Variants in TLL1 observed in about 807,000 individuals in gnomAD.
The protein encoded by TLL1 is tolloid like 1.
Under a neutral mutation model 128.2 loss-of-function variants are expected in TLL1, and 49 were observed. The observed-to-expected ratio is 0.38, with a 90% CI of 0.30 to 0.48. The LOEUF is 0.48. Among genes scored for constraint, TLL1 ranks in the 20% least tolerant of loss-of-function variants. The pLI is 0.96. For synonymous variants in TLL1, 454 were observed against 418.8 expected (o/e 1.08, Z -1.03); for missense variants, 1,123 against 1,242.0 (o/e 0.90, Z 1.44).
intron 7 of TLL1, among the ~76,000 whole-genome samples, chr4:166,012,318 T>C (rs1737733293): frequency 6.6e-6 from 1 of 151,446 alleles, no homozygotes; most frequent in Non-Finnish European, 1.5e-5. Flanking sequence ...ATTGTTAACT[T>C]CCTGACCACA....
intron 1 of TLL1, among the ~76,000 whole-genome samples, chr4:165,956,124 G>A (rs1028539631): frequency 6.8e-6 from 1 of 147,744 alleles, no homozygotes; most frequent in Non-Finnish European, 1.5e-5. Flanking sequence ...AGGACAAATG[G>A]CAAAAGCAGA....
intron 10 of TLL1, 123 bp downstream of exon 10, chr4:166,039,564 T>C: frequency 1.4e-6 from 1 of 711,046 alleles, no homozygotes; most frequent in East Asian, 2.7e-5. Flanking sequence ...TATTTTTATG[T>C]TAGTTATACT....
chr4:165,873,918 C>T lies in TLL1; in HGVS notation c.14C>T (p.Thr5Met). 6.2e-7 allele frequency: 1 copy of T among 1,613,998 alleles called. No individual in the cohort carries two copies. Among genetic ancestry groups the T allele is most frequent in the South Asian group, 1.1e-5 (1 of 91,076 alleles). The change falls in exon 1 of 21, where the codon ACG (threonine) becomes ATG (methionine). Residue 5 changes from threonine to methionine, a missense_variant. By Grantham distance (81) the Thr-to-Met change is moderately conservative (BLOSUM62 -1). Transcript: ENST00000061240. MGLG[T>M]LSPRMLVWLV... The stretch of plus-strand genomic sequence containing the variant: ...CGGGGGAGGAGGATGGGGTTGGGAA[C>T]GCTTTCCCCGAGGATGCTCGTGTGG...
chr4:165,930,222 G>A lies in TLL1; in HGVS notation c.169+56149G>A, dbSNP rs137969415. ...AGCTGGCTTTATTAGCCTGGTGAGA[G>A]GAGGGGGAGGTATAAATAAATGCAT... is the stretch of plus-strand genomic sequence containing the variant. On this transcript the variant is annotated intron_variant, in intron 1 of 20. Coordinates refer to ENST00000061240, the MANE Select transcript of TLL1 (RefSeq NM_012464.5). Among the ~76,000 whole-genome samples, 29 of 152,260 alleles carry A rather than the reference G, an allele frequency of 1.9e-4. No homozygotes were observed. In the East Asian group the frequency reaches 5.6e-3, roughly 29 times the overall value.
intron 1 of TLL1, among the ~76,000 whole-genome samples, chr4:165,977,377 ATGTGCT>A (rs1050537656): frequency 6.6e-6 from 1 of 152,134 alleles, no homozygotes; most frequent in Non-Finnish European, 1.5e-5. Context: ...TCCATGTAAG[ATGTGCT>A]TGCTTTCCCT....
At chr4:166,080,171 T>C (rs1207843832) in intron 18 of TLL1, among the ~76,000 whole-genome samples, 1 of 152,086 alleles carries the variant, frequency 6.6e-6, no homozygotes, top group African/African-American at 2.4e-5. Context: ...GGCTTGTATA[T>C]GGCCTCCACC....
Position 166,100,984 on chromosome 4 carries a change from C to G in TLL1, c.*108C>G. On this transcript the variant is annotated 3_prime_UTR_variant, in exon 21 of 21. Coordinates refer to ENST00000061240, the MANE Select transcript of TLL1 (RefSeq NM_012464.5). ...AAATGTTTTATACAAAGAGTTTGAA[C>G]AAAAAATCCCTGTAAGACCAGAATT... 1 of 1,396,794 alleles carries G rather than the reference C, an allele frequency of 7.2e-7. No individual in the cohort carries two copies. 86.5% of individuals were successfully genotyped at this position (1,396,794 alleles called of 1,614,324 possible).
intron 1 of TLL1, among the ~76,000 whole-genome samples, chr4:165,966,475 C>A (rs1480978850): frequency 1.3e-5 from 2 of 152,114 alleles, no homozygotes; most frequent in Non-Finnish European, 2.9e-5. Flanking sequence ...CCAATTAATT[C>A]TAATGTTCAC....
Position 165,873,954 on chromosome 4 carries a change from C to T in TLL1, c.50C>T (p.Ser17Leu). ...SPRMLVWLVA[S>L]GIVFYGELWV... ...AGGATGCTCGTGTGGCTGGTGGCCTCGGGGATTGTTTTCTACGGGGAGCTA... is the reference window on the plus strand; with the variant it reads ...AGGATGCTCGTGTGGCTGGTGGCCTTGGGGATTGTTTTCTACGGGGAGCTA... The change falls in exon 1 of 21, where the codon TCG becomes TTG. Residue 17 changes from serine (S) to leucine (L), a missense_variant. Physicochemically the swap from Ser to Leu is moderately radical, Grantham distance 145 (BLOSUM62 -2). Around this residue, in one of 3 missense-constraint regions of TLL1, gnomAD observed 480 missense variants for 542.4 expected, o/e 0.89. Transcript: ENST00000061240. The T allele has an allele frequency of 6.2e-7, 1 of 1,614,042 alleles. No homozygotes were observed. The highest frequency in any genetic ancestry group is 1.7e-5 in the Admixed American group (1 of 60,016).
At chr4:165,994,632 A>G in intron 4 of TLL1, 99 bp downstream of exon 4, 4 of 1,429,310 alleles carry the variant, frequency 2.8e-6, no homozygotes, top group South Asian at 1.2e-5. Flanking sequence ...GATACATAGT[A>G]TTAAGTCAAG....
chr4:165,980,081 A>C (rs1736083993), intron 1 of TLL1, among the ~76,000 whole-genome samples: 1 of 152,170 alleles, frequency 6.6e-6, no homozygotes, highest in Admixed American at 6.5e-5. Flanking sequence ...AAACATTGGA[A>C]GCATATAAGT....
At chr4:166,023,804 T>G (rs1223964107) in intron 8 of TLL1, among the ~76,000 whole-genome samples, 1 of 152,202 alleles carries the variant, frequency 6.6e-6, no homozygotes, top group Non-Finnish European at 1.5e-5. Context: ...TTAAGTATAT[T>G]TAATTTATTT....
chr4:166,091,841 C>T (rs1021335500), intron 19 of TLL1, among the ~76,000 whole-genome samples: 27 of 152,016 alleles, frequency 1.8e-4, no homozygotes, highest in African/African-American at 6.3e-4. Context: ...GCAACATGAT[C>T]TTTTGCCTAA....
At chr4:166,074,380 T>C (rs1010339708) in intron 16 of TLL1, among the ~76,000 whole-genome samples, 1 of 151,812 alleles carries the variant, frequency 6.6e-6, no homozygotes, top group African/African-American at 2.4e-5. Flanking sequence ...ACAGTAATTA[T>C]ACTGAGTGAT....
At chr4:166,033,484 G>C (rs953084275) in intron 9 of TLL1, among the ~76,000 whole-genome samples, 7 of 152,140 alleles carry the variant, frequency 4.6e-5, no homozygotes, top group Middle Eastern at 3.4e-3. Context: ...TGTCTTCTTT[G>C]TTCCTTTAAA....
At position 165,974,124 on chromosome 4, in the gene TLL1, G is replaced by C. The variant is rs535814792; in HGVS notation, c.170-15257G>C. On this transcript the variant is annotated intron_variant, in intron 1 of 20. Transcript: ENST00000061240. ...TCTGTAACTCTTAGGATTAAGTCCT[G>C]GACCTCATCTTTTTTTTTTTTTTTT... Among the ~76,000 whole-genome samples the C allele has an allele frequency of 2.9e-5, 4 of 139,124 alleles. No individual in the cohort carries two copies. In the East Asian group the frequency reaches 8.5e-4, roughly 29 times the overall value. 91.3% of individuals were successfully genotyped at this position (139,124 alleles called of 152,430 possible).
intron 6 of TLL1, 39 bp from the exon 7 acceptor site, chr4:166,007,904 T>C: frequency 7.3e-7 from 1 of 1,377,246 alleles, no homozygotes; most frequent in Non-Finnish European, 1.0e-6. Flanking sequence ...TTCTGTCAGT[T>C]AAAAGGCTTC....
intron 1 of TLL1, among the ~76,000 whole-genome samples, chr4:165,936,401 G>A (rs192436123): frequency 0.014 from 2,097 of 150,652 alleles, 51 homozygotes; most frequent in African/African-American, 0.047. Context: ...TAATAGAGAC[G>A]GAGTTTCGCC....
At chr4:166,065,662 G>T in intron 15 of TLL1, 21 bp from the exon 16 acceptor site, 1 of 1,612,188 alleles carries the variant, frequency 6.2e-7, no homozygotes, top group Non-Finnish European at 8.5e-7. Flanking sequence ...TCTGGCAACT[G>T]ATAACCACAT....
Sources: allele counts gnomAD v4.1 joint callset (sites outside exome capture counted in the v4.1 genomes callset), GRCh38; gene constraint gnomAD v4.1.1; regional missense constraint gnomAD v4.1.1; transcripts MANE v1.5; gene names NCBI Gene and HGNC (gene_info 2026-07-23, HGNC 2026-07-21).